Variants in GPR107 observed in about 807,000 individuals in gnomAD.
GPR107 encodes G protein-coupled receptor 107.
A neutral mutation model predicts 75.5 loss-of-function variants in GPR107; 31 were observed. The ratio of observed to expected loss-of-function variants is 0.41; its 90% CI spans 0.31 to 0.55. The LOEUF is 0.55. Among genes scored for constraint, GPR107 ranks in the 20% least tolerant of loss-of-function variants. The pLI, the probability that GPR107 is intolerant of heterozygous loss-of-function variation, is 0.26. For missense variants in GPR107, 572 were observed against 665.7 expected, an observed-to-expected ratio of 0.86 and a Z score of 1.55; for synonymous variants, 267 against 251.3, an observed-to-expected ratio of 1.06 and a Z score of -0.59.
intron 12 of GPR107, among the ~76,000 whole-genome samples, chr9:130,102,869 A>C (rs1273034199): frequency 6.6e-6 from 1 of 152,148 alleles, no homozygotes; most frequent in East Asian, 1.9e-4. Context: ...CTGCAGCCCT[A>C]AACTCCTGGG....
rs78530788 is a variant in GPR107 at position 130,079,597 on chromosome 9, G to C, written c.387-33G>C. The C allele has an allele frequency of 1.5e-3, 2,400 of 1,607,640 alleles. 35 individuals carry two copies. In the African/African-American group the frequency reaches 0.026, roughly 18 times the overall value. On this transcript the variant is annotated intron_variant, in intron 4 of 17. Transcript: ENST00000347136. ...GCTCAGTGGCCAGGAGCACTGCTTT[G>C]ACCTTTTTTCCTTCTGTCTTATTTG... is the stretch of plus-strand genomic sequence containing the variant.
intron 9 of GPR107, among the ~76,000 whole-genome samples, chr9:130,096,159 AGT>A (rs1399933820): frequency 1.3e-5 from 2 of 152,188 alleles, no homozygotes; most frequent in Non-Finnish European, 2.9e-5. Flanking sequence ...AGGTTGCCAG[AGT>A]GTGAATGAGC....
chr9:130,054,147 A>T, intron 1 of GPR107, 74 bp downstream of exon 1: 1 of 1,370,588 alleles, frequency 7.3e-7, no homozygotes, highest in Non-Finnish European at 9.8e-7. Flanking sequence ...ACTTTGGCCC[A>T]TTGGGGACCT....
intron 14 of GPR107, among the ~76,000 whole-genome samples, chr9:130,122,372 G>A (rs961623003): frequency 3.9e-5 from 6 of 152,174 alleles, no homozygotes; most frequent in Admixed American, 2.0e-4. Flanking sequence ...GTCCCCTGCC[G>A]ATGGGAACAG....
At chr9:130,114,710 G>T (rs1831381890) in intron 14 of GPR107, 7 of 1,044,272 alleles carry the variant, frequency 6.7e-6, no homozygotes, top group Non-Finnish European at 7.0e-6. Flanking sequence ...ATCCATATTT[G>T]TAGATATAAT....
At chr9:130,117,091 C>T (rs1361766155) in intron 14 of GPR107, among the ~76,000 whole-genome samples, 2 of 152,116 alleles carry the variant, frequency 1.3e-5, no homozygotes, top group South Asian at 2.1e-4. Context: ...GGATTACAGG[C>T]ATGCACCACC....
Position 130,112,036 on chromosome 9 carries a change from C to T in GPR107, c.1306+4497C>T, listed in dbSNP as rs1437663833. Among the ~76,000 whole-genome samples the T allele has an allele frequency of 1.3e-5, 2 of 152,154 alleles. No homozygotes were observed. The highest frequency in any genetic ancestry group is 2.1e-4 in the South Asian group (1 of 4,826). Reference sequence around the variant, plus strand: ...CTGACTGCCCTTGAGCCCGCATCCGCGTTCCCTTCTCTTTCTCCAGTGTCA... The same window carrying T: ...CTGACTGCCCTTGAGCCCGCATCCGTGTTCCCTTCTCTTTCTCCAGTGTCA... On this transcript the variant is annotated intron_variant, in intron 14 of 17. Coordinates refer to ENST00000347136, the MANE Select transcript of GPR107 (RefSeq NM_020960.5). This position sits in a 1 kb window ranked among gnomAD's most constrained non-coding sequence, Gnocchi z 4.0.
At position 130,085,754 on chromosome 9, in the gene GPR107, A is replaced by ATTTTTTTTTTTTTTTTTTTTTTT. The variant is rs71387311; in HGVS notation, c.565-649_565-648insTTTTTTTTTTTTTTTTTTTTTTT. ...TTACTGTATAAATGGCAATATTTTG[A>ATTTTTTTTTTTTTTTTTTTTTTT]TTTTTTTTTTTTTTTTTGCCGGGGG... On this transcript the variant is annotated intron_variant, in intron 6 of 17. Transcript: ENST00000347136. Among the ~76,000 whole-genome samples, 424 of 78,626 alleles carry ATTTTTTTTTTTTTTTTTTTTTTT rather than the reference A, an allele frequency of 5.4e-3. 108 individuals are homozygous for ATTTTTTTTTTTTTTTTTTTTTTT. Among genetic ancestry groups the ATTTTTTTTTTTTTTTTTTTTTTT allele is most frequent in the South Asian group, 7.2e-3 (14 of 1,958 alleles). 51.6% of individuals were successfully genotyped at this position (78,626 alleles called of 152,430 possible). A position where few individuals can be genotyped will look rare whatever the true frequency, so the allele number is the denominator to read the frequency against.
intron 7 of GPR107, among the ~76,000 whole-genome samples, chr9:130,087,863 C>T (rs77070964): frequency 0.019 from 2,851 of 148,444 alleles, 48 homozygotes; most frequent in Middle Eastern, 0.036. Flanking sequence ...CTTAAGTATA[C>T]GGTTTGTTCA....
intron 1 of GPR107, among the ~76,000 whole-genome samples, chr9:130,070,720 C>CT (rs962712983): frequency 6.6e-6 from 1 of 151,654 alleles, no homozygotes; most frequent in African/African-American, 2.4e-5. Context: ...ATTTTTTTTT[C>CT]TTTTTTTCTT....
rs1831960348 is a variant in GPR107 at position 130,136,508 on chromosome 9, A to C, written c.*1387A>C. 1 of 152,196 alleles carries C rather than the reference A, an allele frequency of 6.6e-6. No homozygotes were observed. Among genetic ancestry groups the C allele is most frequent in the African/African-American group, 2.4e-5 (1 of 41,442 alleles). The allele number at this position is 152,196 out of a possible 1,614,324, so 9.4% of individuals were successfully genotyped here. A position where few individuals can be genotyped will look rare whatever the true frequency, so the allele number is the denominator to read the frequency against. On this transcript the variant is annotated 3_prime_UTR_variant, in exon 18 of 18. Coordinates refer to ENST00000347136, the MANE Select transcript of GPR107 (RefSeq NM_020960.5). The stretch of plus-strand genomic sequence containing the variant: ...CCTGCCTAGGGGTTGTCAGAGAGCC[A>C]CACCTGCAGGGGAACAGGTACCTCC...
intron 4 of GPR107, among the ~76,000 whole-genome samples, chr9:130,079,421 G>A (rs35745047): frequency 0.24 from 36,034 of 152,238 alleles, 4,380 homozygotes; most frequent in Non-Finnish European, 0.28. Flanking sequence ...CTGGATCCTC[G>A]TCCAACTACT....
intron 1 of GPR107, among the ~76,000 whole-genome samples, chr9:130,060,647 A>G (rs1266136221): frequency 1.3e-5 from 2 of 152,266 alleles, no homozygotes; most frequent in East Asian, 1.9e-4. Context: ...AAAACACAAT[A>G]TTTTGATGAC....
intron 1 of GPR107, among the ~76,000 whole-genome samples, chr9:130,069,662 T>C (rs1385532521): frequency 6.6e-6 from 1 of 152,152 alleles, no homozygotes; most frequent in Non-Finnish European, 1.5e-5. Context: ...ACAGATATTA[T>C]TGGCAACAGT....
intron 5 of GPR107, among the ~76,000 whole-genome samples, chr9:130,081,743 C>A (rs1830497467): frequency 6.6e-6 from 1 of 151,700 alleles, no homozygotes; most frequent in African/African-American, 2.4e-5. Context: ...GTAGTCCCAA[C>A]TGTTGGGGAG....
At chr9:130,098,262 C>A (rs1406550477) in intron 9 of GPR107, among the ~76,000 whole-genome samples, 1 of 152,216 alleles carries the variant, frequency 6.6e-6, no homozygotes, top group East Asian at 1.9e-4. Flanking sequence ...TGCCCGGCAG[C>A]CGAAAGGTGG....
intron 1 of GPR107, among the ~76,000 whole-genome samples, chr9:130,056,445 G>A (rs188438947): frequency 2.0e-4 from 24 of 122,834 alleles, no homozygotes; most frequent in African/African-American, 5.9e-4. Context: ...GCAAGACTCC[G>A]TCTCAAAATA....
chr9:130,117,071 T>C (rs7027132), intron 14 of GPR107, among the ~76,000 whole-genome samples: 147,829 of 151,874 alleles, frequency 0.97, 71,981 homozygotes, highest in East Asian at 1. Context: ...CTCAGTCTCC[T>C]GAGTAGCTGG....
chr9:130,090,841 TG>T, intron 7 of GPR107, 34 bp from the exon 8 acceptor site: 1 of 766,982 alleles, frequency 1.3e-6, no homozygotes, highest in South Asian at 1.6e-5. Context: ...GCTGAGGATT[TG>T]GGTACCTTTA....
Sources: allele counts gnomAD v4.1 joint callset (sites outside exome capture counted in the v4.1 genomes callset), GRCh38; gene constraint gnomAD v4.1.1; non-coding constraint Gnocchi (gnomAD v3.1); transcripts MANE v1.5; gene names NCBI Gene and HGNC (gene_info 2026-07-23, HGNC 2026-07-21).